The following MPDZ variants were observed in gnomAD, a reference collection of about 807,000 sequenced individuals.
The protein encoded by MPDZ is multiple PDZ domain crumbs cell polarity complex component.
A neutral mutation model predicts 239.1 loss-of-function variants in MPDZ; 234 were observed. That is an observed-to-expected ratio of 0.98 (90% CI 0.88 to 1.09). The LOEUF (loss-of-function observed/expected upper bound fraction) is 1.09. Ranked by LOEUF, MPDZ falls within the 50% of genes least tolerant of loss-of-function variation. The probability of loss-of-function intolerance (pLI) is 0.00; values close to 1 mark genes in which losing one functional copy is unlikely to be tolerated. For synonymous variants in MPDZ, 1,048 were observed against 881.3 expected, an observed-to-expected ratio of 1.19 and a Z score of -3.35; for missense variants, 3,175 against 2,510.0, an observed-to-expected ratio of 1.26 and a Z score of -5.66.
At chr9:13,187,563 C>T (rs1587635772) in intron 17 of MPDZ, among the ~76,000 whole-genome samples, 1 of 152,096 alleles carries the variant, frequency 6.6e-6, no homozygotes, top group South Asian at 2.1e-4. Flanking sequence ...ATCATCCTGC[C>T]CTCCTCCTTC....
intron 19 of MPDZ, among the ~76,000 whole-genome samples, chr9:13,178,865 C>A (rs769005653): frequency 6.6e-6 from 1 of 152,056 alleles, no homozygotes; most frequent in African/African-American, 2.4e-5. Flanking sequence ...TGTGCTTTTG[C>A]GTTTTATATA....
At chr9:13,165,458 A>G in intron 22 of MPDZ, 1 of 1,545,916 alleles carries the variant, frequency 6.5e-7, no homozygotes, top group Non-Finnish European at 8.7e-7. Flanking sequence ...GGTGTTAACA[A>G]ATGTCAATGT....
At chr9:13,128,924 G>A (rs753560405) in intron 32 of MPDZ, among the ~76,000 whole-genome samples, 47 of 152,106 alleles carry the variant, frequency 3.1e-4, no homozygotes, top group Admixed American at 5.9e-4. Context: ...GGAAAAAAAC[G>A]GGCTCTCGAT....
intron 1 of MPDZ, among the ~76,000 whole-genome samples, chr9:13,258,864 T>C (rs1421605312): frequency 6.6e-6 from 1 of 152,166 alleles, no homozygotes; most frequent in South Asian, 2.1e-4. Flanking sequence ...AATCAAGTAT[T>C]AAAGAACATT....
Position 13,121,839 on chromosome 9 carries a change from C to A in MPDZ, c.5131G>T (p.Asp1711Tyr). The change falls in exon 38 of 47, where the codon GAT (aspartate) becomes TAT (tyrosine). Residue 1711 changes from aspartate to tyrosine, a missense_variant. By Grantham distance (160) the Asp-to-Tyr change is radical. Transcript: ENST00000319217. Reference protein sequence around the residue: ...PQRVRLTLYRDEAPYKEEEVC... With the variant: ...PQRVRLTLYRYEAPYKEEEVC... ...TCCTCCTCTTTGTATGGGGCCTCAT[C>A]TCTGTAGAGTGTCAGGCGCACTCTC... 6.2e-7 allele frequency: 1 copy of A among 1,613,942 alleles called. No homozygotes were observed. The highest frequency in any genetic ancestry group is 8.5e-7 in the Non-Finnish European group (1 of 1,179,864).
intron 1 of MPDZ, among the ~76,000 whole-genome samples, chr9:13,251,693 T>C (rs888906954): frequency 6.6e-6 from 1 of 152,206 alleles, no homozygotes; most frequent in African/African-American, 2.4e-5. Flanking sequence ...GGGAAGTATG[T>C]GATGTAGATG....
chr9:13,160,264 T>C (rs1413983975), intron 23 of MPDZ, among the ~76,000 whole-genome samples: 3 of 152,182 alleles, frequency 2.0e-5, no homozygotes, highest in African/African-American at 7.2e-5. Context: ...ATTAATTAGC[T>C]GCAGGAAAGT....
At chr9:13,225,889 T>C (rs1217858443) in intron 3 of MPDZ, among the ~76,000 whole-genome samples, 1 of 152,092 alleles carries the variant, frequency 6.6e-6, no homozygotes, top group Non-Finnish European at 1.5e-5. Flanking sequence ...AATCCTCCCA[T>C]AATCTGCACT....
rs759451744 is a variant in MPDZ at position 13,223,702 on chromosome 9, A to G, written c.402T>C (p.His134=). 4.4e-6 allele frequency: 7 copies of G among 1,602,220 alleles called. No individual in the cohort carries two copies. Among genetic ancestry groups the G allele is most frequent in the African/African-American group, 1.3e-5 (1 of 74,476 alleles). Residue 134 remains histidine, a synonymous_variant, in exon 5 of 47, where the codon CAT becomes CAC. Coordinates refer to ENST00000319217, the MANE Select transcript of MPDZ (RefSeq NM_001378778.1). ...QLIKNMAQGR[H]VEVFELLKPP... is the part of the protein sequence containing the mutation. Reference sequence around the variant, plus strand: ...GTTTGAGGAGCTCAAAAACTTCTACATGGCGACCCTGTTTAGGAAACAAAG... The same window carrying G: ...GTTTGAGGAGCTCAAAAACTTCTACGTGGCGACCCTGTTTAGGAAACAAAG...
chr9:13,221,800 G>C (rs1046392022), intron 6 of MPDZ, among the ~76,000 whole-genome samples: 2 of 151,146 alleles, frequency 1.3e-5, no homozygotes, highest in Admixed American at 6.6e-5. Flanking sequence ...AAAAGAAAAA[G>C]TTCAAAGAAA....
chr9:13,107,492 T>G (rs372861662), intron 46 of MPDZ, among the ~76,000 whole-genome samples: 1 of 152,046 alleles, frequency 6.6e-6, no homozygotes, highest in South Asian at 2.1e-4. Context: ...AGAAAGAAGG[T>G]AAAGGATTAG....
At chr9:13,177,480 CATACAAGCAGAT>C (rs1952653296) in intron 19 of MPDZ, among the ~76,000 whole-genome samples, 1 of 152,144 alleles carries the variant, frequency 6.6e-6, no homozygotes, top group Non-Finnish European at 1.5e-5. Flanking sequence ...CACACTCACA[CATACAAGCAGAT>C]ATACATATAT....
intron 10 of MPDZ, among the ~76,000 whole-genome samples, chr9:13,215,960 T>G (rs1245181055): frequency 6.8e-6 from 1 of 147,312 alleles, no homozygotes; most frequent in African/African-American, 2.5e-5. Flanking sequence ...TTTTTTTTTT[T>G]TTTTTTTTTA....
chr9:13,124,778 GCATATCC>G (rs1328718980), intron 35 of MPDZ, among the ~76,000 whole-genome samples: 3 of 151,786 alleles, frequency 2.0e-5, no homozygotes, highest in African/African-American at 7.2e-5. Context: ...TAGGATAATT[GCATATCC>G]ATTCTACAGA....
At chr9:13,202,584 C>G (rs910106387) in intron 12 of MPDZ, among the ~76,000 whole-genome samples, 16 of 152,158 alleles carry the variant, frequency 1.1e-4, no homozygotes, top group Admixed American at 2.0e-4. Flanking sequence ...CCAATTCACC[C>G]CAAGTGCTTT....
chr9:13,115,859 G>A (rs1289331217), intron 39 of MPDZ, among the ~76,000 whole-genome samples: 2 of 151,118 alleles, frequency 1.3e-5, no homozygotes, highest in Non-Finnish European at 2.9e-5. Context: ...GCAGAAGAAT[G>A]GCGTGAACCT....
chr9:13,130,729 T>TAA (rs1173318188), intron 32 of MPDZ, among the ~76,000 whole-genome samples: 1 of 152,134 alleles, frequency 6.6e-6, no homozygotes, highest in African/African-American at 2.4e-5. Flanking sequence ...TTATATAAGT[T>TAA]AAAAGAAATC....
intron 3 of MPDZ, among the ~76,000 whole-genome samples, chr9:13,238,281 G>T (rs1964580224): frequency 6.6e-6 from 1 of 152,148 alleles, no homozygotes; most frequent in Admixed American, 6.5e-5. Context: ...GTACAGTAAG[G>T]AGCAGACAAG....
chr9:13,141,649 C>A (rs899665703), intron 27 of MPDZ, among the ~76,000 whole-genome samples: 1 of 151,930 alleles, frequency 6.6e-6, no homozygotes, highest in Non-Finnish European at 1.5e-5. Context: ...ATGATAAACA[C>A]GCACAAATAC....
Sources: allele counts gnomAD v4.1 joint callset (sites outside exome capture counted in the v4.1 genomes callset), GRCh38; gene constraint gnomAD v4.1.1; transcripts MANE v1.5; gene names NCBI Gene and HGNC (gene_info 2026-07-23, HGNC 2026-07-21).